The following DPH6 variants were observed in gnomAD, a reference collection of about 807,000 sequenced individuals.
DPH6 encodes diphthine--ammonia ligase.
DPH6 carries 33 observed loss-of-function variants against 38.2 expected under a neutral mutation model. That is an observed-to-expected ratio of 0.86 (90% CI 0.65 to 1.15). DPH6 has a LOEUF of 1.15. Among genes scored for constraint, DPH6 ranks in the 50% most tolerant of loss-of-function variants. DPH6 has a pLI of 0.00. For synonymous variants in DPH6, 108 were observed against 103.0 expected (o/e 1.05, Z -0.30); for missense variants, 325 against 320.0 (o/e 1.02, Z -0.12).
At chr15:35,361,298 A>G (rs1046005222) in intron 3 of DPH6, among the ~76,000 whole-genome samples, 1 of 152,166 alleles carries the variant, frequency 6.6e-6, no homozygotes, top group Admixed American at 6.5e-5. Flanking sequence ...AATGTTTGCC[A>G]AGTTATTGTT....
chr15:35,165,951 G>A, the DPH6 span, among the ~76,000 whole-genome samples: 1 of 151,762 alleles, frequency 6.6e-6, no homozygotes, highest in African/African-American at 2.4e-5. Flanking sequence ...GTTAATTTGG[G>A]GGCAGGTTTC....
intron 3 of DPH6, among the ~76,000 whole-genome samples, chr15:35,339,711 T>C (rs1033827057): frequency 3.3e-5 from 5 of 152,148 alleles, no homozygotes; most frequent in African/African-American, 9.7e-5. Context: ...AATTTCTTAA[T>C]CCCAAATTCT....
chr15:35,375,165 C>A (rs549741621), intron 7 of DPH6, among the ~76,000 whole-genome samples: 6 of 152,036 alleles, frequency 3.9e-5, no homozygotes, highest in Admixed American at 3.9e-4. Flanking sequence ...GTTTTAGGTC[C>A]TCCCTTCTCA....
chr15:35,429,356 T>G (rs1370485195), intron 5 of DPH6, among the ~76,000 whole-genome samples: 1 of 152,168 alleles, frequency 6.6e-6, no homozygotes, highest in African/African-American at 2.4e-5. Flanking sequence ...ACCTCTATTT[T>G]GTTTTACCTC....
chr15:35,448,165 C>A (rs891567306), intron 5 of DPH6, among the ~76,000 whole-genome samples: 32 of 151,544 alleles, frequency 2.1e-4, no homozygotes, highest in African/African-American at 6.8e-4. Context: ...CTAGTAAATA[C>A]CATTAGTGAT....
chr15:35,481,288 C>T (rs1017415518), intron 3 of DPH6, among the ~76,000 whole-genome samples: 23 of 152,144 alleles, frequency 1.5e-4, no homozygotes, highest in Admixed American at 3.3e-4. Flanking sequence ...CATTGCCCTG[C>T]ACTGTGGGGA....
chr15:35,232,965 T>C (rs2051528221), intron 3 of DPH6, among the ~76,000 whole-genome samples: 1 of 151,550 alleles, frequency 6.6e-6, no homozygotes, highest in African/African-American at 2.4e-5. Context: ...AACAGACAAT[T>C]AGCAAAATAA....
At chr15:35,463,376 G>GT (rs201120877) in intron 3 of DPH6, among the ~76,000 whole-genome samples, 152,064 of 152,208 alleles carry the variant, frequency 1, 75,960 homozygotes, top group Middle Eastern at 1. Context: ...ATGTGCACAA[G>GT]TTATATAAAT....
chr15:35,161,437 T>A, the DPH6 span, among the ~76,000 whole-genome samples: 1 of 152,002 alleles, frequency 6.6e-6, no homozygotes, highest in African/African-American at 2.4e-5. Flanking sequence ...TTTACTTGAG[T>A]GACTGATAAA....
chr15:35,357,976 G>A (rs1185990720), intron 3 of DPH6, among the ~76,000 whole-genome samples: 4 of 152,298 alleles, frequency 2.6e-5, no homozygotes, highest in African/African-American at 4.8e-5. Flanking sequence ...CCCCAAATAT[G>A]TTTTCCAAGC....
At chr15:35,434,630 G>T (rs1212732318) in intron 5 of DPH6, among the ~76,000 whole-genome samples, 2 of 151,968 alleles carry the variant, frequency 1.3e-5, no homozygotes, top group East Asian at 1.9e-4. Flanking sequence ...GAAAATGAAA[G>T]AACAGGCAAC....
chr15:35,426,303 T>C (rs1265959016), intron 5 of DPH6, among the ~76,000 whole-genome samples: 1 of 151,756 alleles, frequency 6.6e-6, no homozygotes, highest in East Asian at 1.9e-4. Context: ...TTAAGTAACC[T>C]TTTTTAAACA....
chr15:35,200,964 A>G, the DPH6 span, among the ~76,000 whole-genome samples: 68 of 145,514 alleles, frequency 4.7e-4, no homozygotes, highest in Non-Finnish European at 2.1e-4. Flanking sequence ...AATCACCTGC[A>G]ATTATACCAA....
At chr15:35,440,522 G>T (rs1300193170) in intron 5 of DPH6, among the ~76,000 whole-genome samples, 2 of 152,212 alleles carry the variant, frequency 1.3e-5, no homozygotes, top group Non-Finnish European at 2.9e-5. Flanking sequence ...AGGGAGATCT[G>T]ATTCTGTCTT....
the DPH6 span, among the ~76,000 whole-genome samples, chr15:35,210,946 CTTTTTTTTTTTTTTT>C: frequency 3.2e-5 from 2 of 61,570 alleles, no homozygotes; most frequent in Admixed American, 3.8e-4. Flanking sequence ...AGATAGATCA[CTTTTTTTTTTTTTTT>C]TTTTTTTTTT....
intron 6 of DPH6, chr15:35,400,927 G>A: frequency 1.9e-6 from 2 of 1,045,528 alleles, no homozygotes; most frequent in Non-Finnish European, 3.0e-6. Flanking sequence ...ACACAAGGTG[G>A]ATGAAGAGTT....
intron 3 of DPH6, among the ~76,000 whole-genome samples, chr15:35,531,030 T>A (rs1473718081): frequency 6.6e-6 from 1 of 152,190 alleles, no homozygotes; most frequent in African/African-American, 2.4e-5. Context: ...GAGCAATTTG[T>A]ACAGGGCTGT....
At chr15:35,458,907 G>A (rs1442229000) in intron 3 of DPH6, among the ~76,000 whole-genome samples, 1 of 152,158 alleles carries the variant, frequency 6.6e-6, no homozygotes, top group Admixed American at 6.5e-5. Context: ...TTCCCAAACA[G>A]TTCCCGTGCC....
At chr15:35,210,007 C>T in the DPH6 span, among the ~76,000 whole-genome samples, 1 of 152,162 alleles carries the variant, frequency 6.6e-6, no homozygotes, top group Non-Finnish European at 1.5e-5. Flanking sequence ...CATTTCATAA[C>T]AGTGAGCCAT....
Sources: allele counts gnomAD v4.1 joint callset (sites outside exome capture counted in the v4.1 genomes callset), GRCh38; gene constraint gnomAD v4.1.1; transcripts MANE v1.5; gene names NCBI Gene and HGNC (gene_info 2026-07-23, HGNC 2026-07-21).